Variants in TKT observed in about 807,000 individuals in gnomAD.
The protein encoded by TKT is epididymis luminal protein 107.
In TKT, 47 loss-of-function variants were observed where a neutral mutation model predicts 63.9. That is an observed-to-expected ratio of 0.74 (90% CI 0.58 to 0.94). TKT has a LOEUF of 0.94. Ranked by LOEUF, TKT falls within the 40% of genes least tolerant of loss-of-function variation. TKT has a pLI of 0.00. For missense variants in TKT, 721 were observed against 846.2 expected (o/e 0.85, Z 1.84); for synonymous variants, 338 against 334.1 (o/e 1.01, Z -0.13).
chr3:53,238,763 T>C (rs1235669562), intron 4 of TKT, among the ~76,000 whole-genome samples: 3 of 152,224 alleles, frequency 2.0e-5, no homozygotes, highest in Admixed American at 6.5e-5. Context: ...CTGGATGGCC[T>C]AGGCCAGCAT....
At chr3:53,234,637 G>A (rs573167681) in intron 5 of TKT, 7 of 184,552 alleles carry the variant, frequency 3.8e-5, no homozygotes, top group Non-Finnish European at 7.8e-5. Flanking sequence ...CCTCTCCGCA[G>A]CTATACATCC....
intron 4 of TKT, among the ~76,000 whole-genome samples, chr3:53,239,126 T>C (rs1310592478): frequency 6.6e-6 from 1 of 152,156 alleles, no homozygotes; most frequent in Non-Finnish European, 1.5e-5. Context: ...AAACTCTCTC[T>C]TTGCCTGCGC....
At chr3:53,228,948 T>C (rs1704619884) in intron 10 of TKT, 59 bp downstream of exon 10, 6 of 1,603,632 alleles carry the variant, frequency 3.7e-6, no homozygotes, top group Non-Finnish European at 4.3e-6. Context: ...GGCCTCCTCT[T>C]CTGTTTCCCT....
At chr3:53,254,043 T>C (rs1314253711) in intron 1 of TKT, among the ~76,000 whole-genome samples, 1 of 152,108 alleles carries the variant, frequency 6.6e-6, no homozygotes, top group East Asian at 1.9e-4. Flanking sequence ...TCTCACAGGG[T>C]TATTCTCAGG....
At chr3:53,255,151 C>G (rs533661144) in intron 1 of TKT, among the ~76,000 whole-genome samples, 38 of 152,364 alleles carry the variant, frequency 2.5e-4, no homozygotes, top group African/African-American at 8.9e-4. Flanking sequence ...CCTCTTCCCC[C>G]AATCAGCCCC....
intron 1 of TKT, among the ~76,000 whole-genome samples, chr3:53,250,404 G>A (rs528746229): frequency 2.7e-4 from 41 of 152,236 alleles, no homozygotes; most frequent in African/African-American, 8.9e-4. Context: ...AACAGCGGGC[G>A]GTGGGACCCC....
chr3:53,226,730 A>G (rs1553675595), intron 13 of TKT, 26 bp downstream of exon 13: 1 of 1,613,872 alleles, frequency 6.2e-7, no homozygotes, highest in African/African-American at 1.3e-5. Flanking sequence ...TCCCTTGCCC[A>G]GCCTGCCTGC....
At chr3:53,252,508 T>G (rs1575576606) in intron 1 of TKT, among the ~76,000 whole-genome samples, 1 of 152,218 alleles carries the variant, frequency 6.6e-6, no homozygotes, top group African/African-American at 2.4e-5. Context: ...AGTCACTGTA[T>G]TTTACATATC....
At chr3:53,241,673 G>C (rs1229786763) in intron 2 of TKT, among the ~76,000 whole-genome samples, 1 of 152,208 alleles carries the variant, frequency 6.6e-6, no homozygotes, top group Non-Finnish European at 1.5e-5. Context: ...CCAGAAGGGG[G>C]GGGTCAGGGG....
In TKT at chr3:53,225,753, G is replaced by C; in HGVS notation, c.*3C>G. 1.2e-6 allele frequency: 2 copies of C among 1,607,368 alleles called. No homozygotes were observed. The highest frequency in any genetic ancestry group is 1.7e-6 in the Non-Finnish European group (2 of 1,175,928). Reference sequence around the variant, plus strand: ...GACCCCCGCCCCACACTTCATACCCGCCCTAGGCCTTGGTGATGAGGCCCC... The same window carrying C: ...GACCCCCGCCCCACACTTCATACCCCCCCTAGGCCTTGGTGATGAGGCCCC... On this transcript the variant is annotated 3_prime_UTR_variant, in exon 14 of 14. Coordinates refer to ENST00000462138, the MANE Select transcript of TKT (RefSeq NM_001064.4).
chr3:53,237,495 T>TACACACACACACACAC (rs3075727), intron 4 of TKT, among the ~76,000 whole-genome samples: 3 of 144,896 alleles, frequency 2.1e-5, no homozygotes, highest in East Asian at 2.1e-4. Context: ...TTTTATATTA[T>TACACACACACACACAC]ACACACACAC....
intron 7 of TKT, 74 bp from the exon 8 acceptor site, chr3:53,230,695 T>C: frequency 6.4e-7 from 1 of 1,564,758 alleles, no homozygotes; most frequent in South Asian, 1.1e-5. Flanking sequence ...GAGCCCTGCT[T>C]TCAGAGAAGG....
chr3:53,229,694 T>A lies in TKT; in HGVS notation c.1108-258A>T, dbSNP rs183927431. Among the ~76,000 whole-genome samples the A allele has an allele frequency of 2.4e-4, 36 of 152,160 alleles. 1 individual carries two copies. The East Asian group carries it at 7.0e-3, about 30-fold the overall frequency. On this transcript the variant is annotated intron_variant, in intron 8 of 13. Coordinates refer to ENST00000462138, the MANE Select transcript of TKT (RefSeq NM_001064.4). ...CATCCAGAAGCAGCACTGAGTACAG[T>A]CATCAGTTCCAAACCAGCTGCCCTT...
rs1704459457 is a variant in TKT at position 53,225,565 on chromosome 3, C to T, written c.*191G>A. 1.7e-6 allele frequency: 1 copy of T among 589,148 alleles called. No individual in the cohort carries two copies. The highest frequency in any genetic ancestry group is 2.7e-6 in the Non-Finnish European group (1 of 374,132). 36.5% of individuals were successfully genotyped at this position (589,148 alleles called of 1,614,324 possible). On this transcript the variant is annotated 3_prime_UTR_variant, in exon 14 of 14. Coordinates refer to ENST00000462138, the MANE Select transcript of TKT (RefSeq NM_001064.4). ...CTGGCCCAGGACCAAGGACACCAGCCTCCCTAGCGCACCCTCCACGCTTCT... is the reference window on the plus strand; with the variant it reads ...CTGGCCCAGGACCAAGGACACCAGCTTCCCTAGCGCACCCTCCACGCTTCT...
Position 53,228,164 on chromosome 3 carries a change from G to C in TKT, c.1480-15C>G. ...TTCAGGACCACCTGGGGGTGACACA[G>C]AGGGTGAGTAAGGCTCAGGGCCCTG... On this transcript the variant is annotated splice_polypyrimidine_tract_variant and intron_variant, in intron 11 of 13. Transcript: ENST00000462138. 6.2e-7 allele frequency: 1 copy of C among 1,614,020 alleles called. No individual in the cohort carries two copies. Among genetic ancestry groups the C allele is most frequent in the Non-Finnish European group, 8.5e-7 (1 of 1,179,944 alleles).
rs1553676774 is a variant in TKT, at chr3:53,230,524, A to T, written c.1040T>A (p.Phe347Tyr). The change falls in exon 8 of 14, where the codon TTC becomes TAC. Residue 347 changes from phenylalanine to tyrosine, a missense_variant. Phe to Tyr is a conservative substitution (Grantham distance 22). Coordinates refer to ENST00000462138, the MANE Select transcript of TKT (RefSeq NM_001064.4). ...ALDGDTKNST[F>Y]SEIFKKEHPD... ...GTGCTCCTTTTTGAAGATCTCCGAG[A>T]AGGTGGAATTTTTGGTGTCCCCATC... 5 of 1,614,098 alleles carry T rather than the reference A, an allele frequency of 3.1e-6. No homozygotes were observed. Among genetic ancestry groups the T allele is most frequent in the Non-Finnish European group, 4.2e-6 (5 of 1,180,018 alleles).
chr3:53,225,897 C>T lies in TKT; in HGVS notation c.1731G>A (p.Val577=). ...GGGTGACAGTGATGCCAGGCTCGCC[C>T]ACTACTGCACTGGACACAGCCTCAC... is the stretch of plus-strand genomic sequence containing the variant. ...GIGEAVSSAV[V]GEPGITVTHL... The change falls in exon 14 of 14, where the codon GTG becomes GTA. Residue 577 remains valine (V), a synonymous_variant. Coordinates refer to ENST00000462138, the MANE Select transcript of TKT (RefSeq NM_001064.4). The T allele has an allele frequency of 1.9e-6, 3 of 1,613,482 alleles. No homozygotes were observed. The highest frequency in any genetic ancestry group is 1.7e-5 in the Admixed American group (1 of 59,990).
chr3:53,229,085 T>A lies in TKT; in HGVS notation c.1317A>T (p.Ser439=). The A allele has an allele frequency of 6.2e-7, 1 of 1,614,180 alleles. No individual in the cohort carries two copies. The highest frequency in any genetic ancestry group is 8.5e-7 in the Non-Finnish European group (1 of 1,180,022). ...MALEDLAMFR[S]VPTSTVFYPS... ...GGTAAAAGACAGTTGATGTGGGGAC[T>A]GACCGAAACATAGCCAGATCTTCTA... is the stretch of plus-strand genomic sequence containing the variant. The change falls in exon 10 of 14, where the codon TCA becomes TCT. Residue 439 remains serine, a synonymous_variant. Coordinates refer to ENST00000462138, the MANE Select transcript of TKT (RefSeq NM_001064.4).
At chr3:53,233,049 C>T (rs1553677528) in intron 6 of TKT, 107 bp downstream of exon 6, 6 of 948,926 alleles carry the variant, frequency 6.3e-6, no homozygotes, top group Non-Finnish European at 9.8e-6. Flanking sequence ...GCCTGGTGAG[C>T]TCAGTGAGCA....
Sources: allele counts gnomAD v4.1 joint callset (sites outside exome capture counted in the v4.1 genomes callset), GRCh38; gene constraint gnomAD v4.1.1; transcripts MANE v1.5; gene names NCBI Gene and HGNC (gene_info 2026-07-23, HGNC 2026-07-21).